BTBD9: variants seen among roughly 807,000 people sequenced by gnomAD.
The protein encoded by BTBD9 is BTB domain containing 9.
In BTBD9, 49 loss-of-function variants were observed where a neutral mutation model predicts 64.3. The ratio of observed to expected loss-of-function variants is 0.76; its 90% confidence interval spans 0.61 to 0.97. The LOEUF (loss-of-function observed/expected upper bound fraction) is 0.97. BTBD9 is among the 50% of genes least tolerant of loss of function. BTBD9 has a pLI of 0.00. For synonymous variants in BTBD9, 260 were observed against 274.7 expected (o/e 0.95, Z 0.53); for missense variants, 598 against 762.1 (o/e 0.78, Z 2.53).
chr6:38,407,449 G>A (rs1432380783), intron 6 of BTBD9, among the ~76,000 whole-genome samples: 4 of 152,028 alleles, frequency 2.6e-5, no homozygotes, highest in Non-Finnish European at 4.4e-5. Context: ...CAGTATGCCT[G>A]TGTACCAGCC....
chr6:38,449,918 T>C (rs1323044179), intron 6 of BTBD9, among the ~76,000 whole-genome samples: 1 of 151,980 alleles, frequency 6.6e-6, no homozygotes, highest in Non-Finnish European at 1.5e-5. Context: ...CAAAGGTAAA[T>C]AAATATAGAC....
intron 6 of BTBD9, among the ~76,000 whole-genome samples, chr6:38,539,617 TAA>T (rs1227205077): frequency 2.0e-5 from 3 of 152,318 alleles, no homozygotes; most frequent in African/African-American, 7.2e-5. Flanking sequence ...TATTAATTTT[TAA>T]AAGAGATTTA....
chr6:38,537,460 G>C (rs1048414276), intron 6 of BTBD9, among the ~76,000 whole-genome samples: 3 of 152,166 alleles, frequency 2.0e-5, no homozygotes, highest in Non-Finnish European at 2.9e-5. Flanking sequence ...AAAGACTCCT[G>C]CAGGGCAGGA....
intron 6 of BTBD9, among the ~76,000 whole-genome samples, chr6:38,359,193 C>T (rs537049134): frequency 1.3e-5 from 2 of 152,338 alleles, no homozygotes; most frequent in East Asian, 3.9e-4. Flanking sequence ...TAGGAAACCA[C>T]TCAGTCTCAG....
intron 7 of BTBD9, among the ~76,000 whole-genome samples, chr6:38,336,262 T>C (rs764266294): frequency 2.6e-5 from 4 of 152,146 alleles, no homozygotes; most frequent in Non-Finnish European, 5.9e-5. Context: ...TGTGTGAATC[T>C]CTCCTGAGCT....
chr6:38,385,166 T>G (rs1766097791), intron 6 of BTBD9, among the ~76,000 whole-genome samples: 1 of 148,114 alleles, frequency 6.8e-6, no homozygotes, highest in African/African-American at 2.5e-5. Context: ...GCATACTAGA[T>G]ACAACTTGGT....
At chr6:38,607,917 T>C (rs934229524) in intron 1 of BTBD9, among the ~76,000 whole-genome samples, 1 of 152,140 alleles carries the variant, frequency 6.6e-6, no homozygotes, top group Non-Finnish European at 1.5e-5. Context: ...AATCTTCCAA[T>C]AAAATAAATA....
intron 6 of BTBD9, among the ~76,000 whole-genome samples, chr6:38,444,351 T>C (rs922603797): frequency 6.6e-6 from 1 of 152,200 alleles, no homozygotes; most frequent in Non-Finnish European, 1.5e-5. Context: ...TCCAGAATCA[T>C]AAAAGAATCA....
At chr6:38,442,178 CTG>C (rs1258300984) in intron 6 of BTBD9, among the ~76,000 whole-genome samples, 1 of 152,116 alleles carries the variant, frequency 6.6e-6, no homozygotes, top group African/African-American at 2.4e-5. Flanking sequence ...AACATTTTGT[CTG>C]TGAATTCCTA....
At chr6:38,573,917 C>G (rs1424264480) in intron 6 of BTBD9, among the ~76,000 whole-genome samples, 1 of 152,072 alleles carries the variant, frequency 6.6e-6, no homozygotes, top group Non-Finnish European at 1.5e-5. Flanking sequence ...ACCAGATAAC[C>G]AAGAAGACAA....
rs568566064 is a variant in BTBD9, at chr6:38,639,904, G to C, written c.-132C>G. On this transcript the variant is annotated 5_prime_UTR_variant, in exon 1 of 11. Transcript: ENST00000481247. ...CCCCTTGGCCGCTTCCGTGGCCGCC[G>C]TCCTCGCCGCCGCCCCGGCTGCTGC... The C allele has an allele frequency of 3.9e-5, 6 of 152,522 alleles. No homozygotes were observed. Among genetic ancestry groups the C allele is most frequent in the African/African-American group, 1.2e-4 (5 of 41,552 alleles). 9.4% of individuals were successfully genotyped at this position (152,522 alleles called of 1,614,324 possible). A position where few individuals can be genotyped will look rare whatever the true frequency, so the allele number is the denominator to read the frequency against.
intron 6 of BTBD9, among the ~76,000 whole-genome samples, chr6:38,439,578 C>G (rs992174223): frequency 2.6e-5 from 4 of 152,048 alleles, no homozygotes; most frequent in Admixed American, 6.6e-5. Context: ...AGGTACCCAC[C>G]ACCATGGCCA....
intron 6 of BTBD9, among the ~76,000 whole-genome samples, chr6:38,353,000 T>C (rs141564731): frequency 0.011 from 1,727 of 152,336 alleles, 9 homozygotes; most frequent in Non-Finnish European, 0.018. Context: ...TATCCAATGA[T>C]TGATAGGTGA....
intron 6 of BTBD9, among the ~76,000 whole-genome samples, chr6:38,430,966 G>T (rs889897743): frequency 6.6e-6 from 1 of 151,890 alleles, no homozygotes; most frequent in Non-Finnish European, 1.5e-5. Flanking sequence ...TCTATACTTT[G>T]CTTTCACAAT....
intron 7 of BTBD9, among the ~76,000 whole-genome samples, chr6:38,303,874 T>TACACAC (rs1554137166): frequency 6.0e-5 from 5 of 82,648 alleles, no homozygotes; most frequent in African/African-American, 1.9e-4. Context: ...TATATATATA[T>TACACAC]ACACACACAC....
At chr6:38,402,286 C>A (rs1766964610) in intron 6 of BTBD9, among the ~76,000 whole-genome samples, 1 of 151,802 alleles carries the variant, frequency 6.6e-6, no homozygotes, top group Admixed American at 6.5e-5. Context: ...TCCATAGATT[C>A]AATGCAATCC....
intron 9 of BTBD9, among the ~76,000 whole-genome samples, chr6:38,240,198 C>T (rs879655410): frequency 1.3e-5 from 2 of 152,200 alleles, no homozygotes; most frequent in African/African-American, 2.4e-5. Context: ...CCAGATTTAG[C>T]ATGCTGCCTA....
intron 7 of BTBD9, among the ~76,000 whole-genome samples, chr6:38,331,492 A>AG (rs902208854): frequency 6.6e-5 from 10 of 152,088 alleles, no homozygotes; most frequent in Non-Finnish European, 8.8e-5. Context: ...AGAAAAAAAG[A>AG]GGGGGGGCCA....
chr6:38,462,672 C>T (rs1307001264), intron 6 of BTBD9, among the ~76,000 whole-genome samples: 1 of 152,114 alleles, frequency 6.6e-6, no homozygotes, highest in Non-Finnish European at 1.5e-5. Flanking sequence ...TTCAACAATG[C>T]CTGCTGGGAT....
Sources: gnomAD v4.1 joint callset for allele counts (sites outside exome capture counted in the v4.1 genomes callset) on GRCh38, gnomAD v4.1.1 for gene constraint, MANE v1.5 for transcripts, NCBI Gene and HGNC (gene_info 2026-07-23, HGNC 2026-07-21) for gene names.